Variants in SMC1B observed in about 807,000 individuals in gnomAD.
The protein encoded by SMC1B is structural maintenance of chromosomes 1B, also known as structural maintenance of chromosomes protein 1B.
A neutral mutation model predicts 157.9 loss-of-function variants in SMC1B; 60 were observed. That is an observed-to-expected ratio of 0.38 (90% CI 0.31 to 0.47). The LOEUF is 0.47. SMC1B is among the 20% of genes least tolerant of loss of function. The probability of loss-of-function intolerance (pLI) is 0.99; values close to 1 mark genes in which losing one functional copy is unlikely to be tolerated. For synonymous variants in SMC1B, 445 were observed against 483.0 expected, an observed-to-expected ratio of 0.92 and a Z score of 1.03; for missense variants, 1,165 against 1,426.2, an observed-to-expected ratio of 0.82 and a Z score of 2.95.
At chr22:45,345,435 C>G in intron 24 of SMC1B, 24 bp downstream of exon 24, 1 of 1,521,116 alleles carries the variant, frequency 6.6e-7, no homozygotes, top group Non-Finnish European at 9.1e-7. Context: ...GGGTACACTC[C>G]TCTCGCCTCT....
chr22:45,359,694 G>T, intron 18 of SMC1B, 111 bp downstream of exon 18: 2 of 1,176,726 alleles, frequency 1.7e-6, no homozygotes, highest in Non-Finnish European at 2.4e-6. Flanking sequence ...CCTCCTATGA[G>T]ATGTCTTCAC....
chr22:45,345,761 A>T (rs117203058), intron 23 of SMC1B, among the ~76,000 whole-genome samples, 192 bp from the exon 24 acceptor site: 2,889 of 152,320 alleles, frequency 0.019, 38 homozygotes, highest in Non-Finnish European at 0.028. Context: ...AACTTCATTA[A>T]ACCTATGATC....
In SMC1B at chr22:45,402,391, T is replaced by C; in HGVS notation, c.796A>G (p.Arg266Gly). 1.2e-6 allele frequency: 2 copies of C among 1,613,952 alleles called. No individual in the cohort carries two copies. The highest frequency in any genetic ancestry group is 1.7e-6 in the Non-Finnish European group (2 of 1,179,946). ...GTTAGCATTCCATGTTCCTTTTTCC[T>C]GGCTTTAACTATGTTTTCATGATGA... is the stretch of plus-strand genomic sequence containing the variant. ...LSHHENIVKA[R>G]KKEHGMLTRQ... Residue 266 changes from arginine (R) to glycine (G), a missense_variant, in exon 5 of 25, where the codon AGG becomes GGG. Coordinates refer to ENST00000357450, the MANE Select transcript of SMC1B (RefSeq NM_148674.5).
At chr22:45,388,176 C>CAA (rs2087011472) in intron 10 of SMC1B, among the ~76,000 whole-genome samples, 1 of 152,094 alleles carries the variant, frequency 6.6e-6, no homozygotes, top group South Asian at 2.1e-4. Flanking sequence ...CAAAACCCAG[C>CAA]AAGTATGATC....
intron 6 of SMC1B, among the ~76,000 whole-genome samples, chr22:45,397,715 C>A (rs1321455122): frequency 6.6e-6 from 1 of 152,054 alleles, no homozygotes; most frequent in African/African-American, 2.4e-5. Flanking sequence ...CCTTTTTTTG[C>A]ATACTCACAA....
At chr22:45,348,771 T>C (rs2086578042) in intron 23 of SMC1B, among the ~76,000 whole-genome samples, 1 of 151,616 alleles carries the variant, frequency 6.6e-6, no homozygotes, top group East Asian at 1.9e-4. Flanking sequence ...CGGTCTCGGC[T>C]CACTGCAATC....
At chr22:45,402,720 G>C in intron 4 of SMC1B, 149 bp from the exon 5 acceptor site, 6 of 689,794 alleles carry the variant, frequency 8.7e-6, no homozygotes, top group South Asian at 1.8e-5. Flanking sequence ...AATTTGGCGA[G>C]GGTTTCTGAA....
At position 45,393,778 on chromosome 22, in the gene SMC1B, T is replaced by C. The variant is rs2087089488; in HGVS notation, c.1401A>G (p.Lys467=). Residue 467 remains lysine, a synonymous_variant, in exon 9 of 25, where the codon AAA becomes AAG. Coordinates refer to ENST00000357450, the MANE Select transcript of SMC1B (RefSeq NM_148674.5). ...ETLVDEIEKT[K]SRMSEVNEEL... The stretch of plus-strand genomic sequence containing the variant: ...CTTCATTAACTTCAGACATTCTTGA[T>C]TTTGTTTTTTCAATTTCATCCACTA... 1 of 1,613,934 alleles carries C rather than the reference T, an allele frequency of 6.2e-7. No individual in the cohort carries two copies. The highest frequency in any genetic ancestry group is 8.5e-7 in the Non-Finnish European group (1 of 1,179,860).
intron 11 of SMC1B, among the ~76,000 whole-genome samples, chr22:45,385,886 C>T (rs2086984412): frequency 6.6e-6 from 1 of 151,946 alleles, no homozygotes; most frequent in East Asian, 1.9e-4. Flanking sequence ...TTAGATAAGT[C>T]AATAAATTTA....
chr22:45,410,632 G>T (rs570440650), intron 1 of SMC1B, among the ~76,000 whole-genome samples: 106 of 152,320 alleles, frequency 7.0e-4, no homozygotes, highest in African/African-American at 2.4e-3. Context: ...GGATCCAGAA[G>T]GCAGAGGTTG....
rs371508304 is a variant in SMC1B, at chr22:45,344,532, C to A, written c.*24G>T. 8 of 1,531,940 alleles carry A rather than the reference C, an allele frequency of 5.2e-6. No individual in the cohort carries two copies. The African/African-American group carries it at 9.6e-5, about 18-fold the overall frequency. 94.9% of individuals were successfully genotyped at this position (1,531,940 alleles called of 1,614,324 possible). A position where few individuals can be genotyped will look rare whatever the true frequency, so the allele number is the denominator to read the frequency against. ...ATTAGAGTGGGAACTGAACAGTGAT[C>A]AGGTGACTGCTGCAGGACTGCCCCT... On this transcript the variant is annotated 3_prime_UTR_variant, in exon 25 of 25. Coordinates refer to ENST00000357450, the MANE Select transcript of SMC1B (RefSeq NM_148674.5).
intron 19 of SMC1B, 98 bp from the exon 20 acceptor site, chr22:45,355,213 T>C: frequency 8.4e-7 from 1 of 1,196,468 alleles, no homozygotes; most frequent in Non-Finnish European, 1.2e-6. Context: ...CCCAGGTCCC[T>C]GTGCATCCAC....
intron 23 of SMC1B, among the ~76,000 whole-genome samples, chr22:45,348,458 G>A (rs759723779): frequency 7.2e-5 from 11 of 152,144 alleles, no homozygotes; most frequent in Non-Finnish European, 1.5e-4. Context: ...AAACTGGGAA[G>A]GTAGGATTTT....
intron 12 of SMC1B, among the ~76,000 whole-genome samples, chr22:45,380,295 G>T (rs1289593956): frequency 6.6e-6 from 1 of 152,154 alleles, no homozygotes; most frequent in Non-Finnish European, 1.5e-5. Flanking sequence ...GTTACACCCA[G>T]ATGTGTGTTA....
chr22:45,368,916 T>C (rs2086801950), intron 15 of SMC1B, among the ~76,000 whole-genome samples: 1 of 152,228 alleles, frequency 6.6e-6, no homozygotes. Context: ...TGAAGCTATC[T>C]GTACCTGGTG....
chr22:45,352,383 A>G (rs1187431899), intron 22 of SMC1B, 68 bp downstream of exon 22: 5 of 1,411,560 alleles, frequency 3.5e-6, no homozygotes, highest in African/African-American at 1.4e-5. Context: ...TAGTTAATAT[A>G]TCTTCTGTAG....
chr22:45,358,726 C>A lies in SMC1B; in HGVS notation c.2932G>T (p.Asp978Tyr). 1.2e-6 allele frequency: 2 copies of A among 1,612,448 alleles called. No homozygotes were observed. The highest frequency in any genetic ancestry group is 1.1e-5 in the South Asian group (1 of 90,926). ...AAATCCTCTTTTAGAGAGCTGTAGT[C>A]TATTTCAAAGGCTTCTTCTTTTTCA... The part of the protein sequence containing the change: ...IYEKEEAFEI[D>Y]YSSLKEDLKA... The change falls in exon 19 of 25, where the codon GAC (aspartate) becomes TAC (tyrosine). Residue 978 changes from aspartate (D) to tyrosine (Y), a missense_variant. By Grantham distance (160) the Asp-to-Tyr change is radical. Coordinates refer to ENST00000357450, the MANE Select transcript of SMC1B (RefSeq NM_148674.5).
In SMC1B at chr22:45,353,908, AAAAAAAAAAAAAC is replaced by A. The variant is rs1190803130; in HGVS notation, c.3273+57_3273+69del. 3.8e-3 allele frequency: 2,591 copies of A among 674,884 alleles called. 52 individuals carry two copies. The East Asian group carries it at 0.058, about 15-fold the overall frequency. 41.8% of individuals were successfully genotyped at this position (674,884 alleles called of 1,614,324 possible). Reference sequence around the variant, plus strand: ...TATTTCCCACCAAAAAAAAAAAAAAAAAAAAAAAAAAACAACCACCACCGGTAACACAGAATTC... The same window carrying A: ...TATTTCCCACCAAAAAAAAAAAAAAAAACCACCACCGGTAACACAGAATTC... On this transcript the variant is annotated intron_variant, in intron 21 of 24. Coordinates refer to ENST00000357450, the MANE Select transcript of SMC1B (RefSeq NM_148674.5).
At chr22:45,346,930 A>G (rs2086558084) in intron 23 of SMC1B, among the ~76,000 whole-genome samples, 1 of 152,226 alleles carries the variant, frequency 6.6e-6, no homozygotes, top group Non-Finnish European at 1.5e-5. Context: ...CTTTTAATAC[A>G]TAGGATGGGT....
Sources: gnomAD v4.1 joint callset for allele counts (sites outside exome capture counted in the v4.1 genomes callset) on GRCh38, gnomAD v4.1.1 for gene constraint, MANE v1.5 for transcripts, NCBI Gene and HGNC (gene_info 2026-07-23, HGNC 2026-07-21) for gene names.